The following THRA variants were observed in gnomAD, a reference collection of about 807,000 sequenced individuals.
THRA encodes the protein EAR-7.
Under a neutral mutation model 45.0 loss-of-function variants are expected in THRA, and 13 were observed. The observed-to-expected ratio is 0.29, with a 90% CI of 0.19 to 0.46. THRA has a LOEUF of 0.46. THRA is among the 20% of genes least tolerant of loss of function. THRA has a pLI of 1.00. For synonymous variants in THRA, 195 were observed against 214.0 expected (o/e 0.91, Z 0.78); for missense variants, 278 against 556.1 (o/e 0.50, Z 5.03).
In THRA at chr17:40,089,806, G is replaced by C. The variant is rs994954924; in HGVS notation, c.*350G>C. 2.6e-6 allele frequency: 3 copies of C among 1,137,102 alleles called. No homozygotes were observed. The highest frequency in any genetic ancestry group is 3.3e-6 in the Non-Finnish European group (3 of 920,076). The allele number at this position is 1,137,102 out of a possible 1,614,324, so 70.4% of individuals were successfully genotyped here. On this transcript the variant is annotated 3_prime_UTR_variant, in exon 9 of 9. Transcript: ENST00000450525. This position sits in a 1 kb window ranked among gnomAD's most constrained non-coding sequence, Gnocchi z 6.1. The stretch of plus-strand genomic sequence containing the variant: ...TAGGGGAAGGAGGAATGTGGGCTGG[G>C]GGAAGATGCCCTCAACTCACCCCCT...
intron 2 of THRA, among the ~76,000 whole-genome samples, chr17:40,076,607 T>C (rs1986962128): frequency 6.6e-6 from 1 of 152,186 alleles, no homozygotes. Context: ...TTATGGGTGC[T>C]TCAGGTCTTC....
Position 40,083,998 on chromosome 17 carries a change from G to A in THRA, c.370+16G>A. ...GCCATGGACTGTAAGGGGCCCAGGTGGAGGGAATAGAGCCAGGTGGCCTGG... is the reference window on the plus strand; with the variant it reads ...GCCATGGACTGTAAGGGGCCCAGGTAGAGGGAATAGAGCCAGGTGGCCTGG... On this transcript the variant is annotated intron_variant, in intron 5 of 8. Coordinates refer to ENST00000450525, the MANE Select transcript of THRA (RefSeq NM_199334.5). 2 of 1,602,800 alleles carry A rather than the reference G, an allele frequency of 1.2e-6. No individual in the cohort carries two copies. The highest frequency in any genetic ancestry group is 1.7e-6 in the Non-Finnish European group (2 of 1,174,000).
chr17:40,086,277 C>T (rs1318117039), intron 6 of THRA, among the ~76,000 whole-genome samples: 21 of 152,192 alleles, frequency 1.4e-4, no homozygotes, highest in Admixed American at 1.4e-3. Flanking sequence ...AGTCACGAGT[C>T]AGACTGCCCA....
chr17:40,089,099 C>G lies in THRA; in HGVS notation c.983-107C>G. On this transcript the variant is annotated intron_variant, in intron 8 of 8. Transcript: ENST00000450525. This position sits in a 1 kb window ranked among gnomAD's most constrained non-coding sequence, Gnocchi z 6.1. ...CCCCTCCCCTCCCCCAGCCTCTCTG[C>G]CTCTATCTCCCCTCTAGTCCTTTCT... 9.1e-7 allele frequency: 1 copy of G among 1,093,118 alleles called. No individual in the cohort carries two copies. Among genetic ancestry groups the G allele is most frequent in the Non-Finnish European group, 1.3e-6 (1 of 755,814 alleles). The allele number at this position is 1,093,118 out of a possible 1,614,324, so 67.7% of individuals were successfully genotyped here. A position where few individuals can be genotyped will look rare whatever the true frequency, so the allele number is the denominator to read the frequency against.
In THRA at chr17:40,086,692, C is replaced by T. The variant is rs755706473; in HGVS notation, c.577-15C>T. The T allele has an allele frequency of 1.2e-5, 19 of 1,609,726 alleles. No homozygotes were observed. The highest frequency in any genetic ancestry group is 6.7e-5 in the Admixed American group (4 of 59,906). ...GGGGTCTGCGGCCCCAGCTGACCCCCGTCTTTCTCTCTAGCCCGATGACAT... is the reference window on the plus strand; with the variant it reads ...GGGGTCTGCGGCCCCAGCTGACCCCTGTCTTTCTCTCTAGCCCGATGACAT... On this transcript the variant is annotated splice_polypyrimidine_tract_variant and intron_variant, in intron 6 of 8. Transcript: ENST00000450525.
chr17:40,072,596 GAC>G (rs1986815424), intron 1 of THRA, among the ~76,000 whole-genome samples: 2 of 152,080 alleles, frequency 1.3e-5, no homozygotes, highest in South Asian at 4.1e-4. Context: ...TTCAGACACA[GAC>G]AGACAGACAG....
chr17:40,075,498 A>G (rs753820862), intron 2 of THRA, among the ~76,000 whole-genome samples: 2 of 152,232 alleles, frequency 1.3e-5, no homozygotes, highest in Admixed American at 6.5e-5. Context: ...GCCTCACCCC[A>G]GGAAGGACTC....
At chr17:40,093,272 G>A (rs1987656705), downstream of THRA, 2 of 1,613,680 alleles carry the variant, frequency 1.2e-6, no homozygotes, top group African/African-American at 2.7e-5. This position sits in a 1 kb window ranked among gnomAD's most constrained non-coding sequence, Gnocchi z 5.9. Flanking sequence ...AATTCTCCAT[G>A]CCCGAGCGGT....
At chr17:40,066,210 G>T (rs1689785766) in intron 1 of THRA, among the ~76,000 whole-genome samples, 1 of 152,184 alleles carries the variant, frequency 6.6e-6, no homozygotes, top group Non-Finnish European at 1.5e-5. Flanking sequence ...GGGAACTCAG[G>T]CAGGAGACAT....
intron 3 of THRA, 146 bp downstream of exon 3, chr17:40,077,084 G>T (rs766208212): frequency 1.2e-6 from 1 of 826,952 alleles, no homozygotes; most frequent in Non-Finnish European, 1.9e-6. Context: ...TTGTCTGGGG[G>T]TGAGAAAGGT....
chr17:40,065,228 G>A (rs760974397), intron 1 of THRA, among the ~76,000 whole-genome samples: 14 of 152,016 alleles, frequency 9.2e-5, no homozygotes, highest in Admixed American at 2.0e-4. Context: ...TAAAAGCTCA[G>A]GGGTGTCTAA....
At chr17:40,081,905 G>A (rs1466996751) in intron 4 of THRA, among the ~76,000 whole-genome samples, 1 of 151,844 alleles carries the variant, frequency 6.6e-6, no homozygotes, top group African/African-American at 2.4e-5. Flanking sequence ...GGAGGTTGCA[G>A]TAAGCTGAGA....
intron 8 of THRA, 44 bp downstream of exon 8, chr17:40,088,544 C>T: frequency 6.4e-7 from 1 of 1,572,210 alleles, no homozygotes; most frequent in African/African-American, 1.3e-5. Context: ...TTCCAGGGGT[C>T]CCAGAGATTG....
intron 3 of THRA, 92 bp downstream of exon 3, chr17:40,077,030 C>A: frequency 1.5e-6 from 2 of 1,320,444 alleles, no homozygotes; most frequent in Non-Finnish European, 2.1e-6. Flanking sequence ...AACAGTAATT[C>A]ATGTGTTCCC....
intron 7 of THRA, chr17:40,087,123 GCACA>G (rs1399044195): frequency 2.5e-6 from 1 of 404,592 alleles, no homozygotes; most frequent in Non-Finnish European, 4.5e-6. Flanking sequence ...CATACACCCA[GCACA>G]CAGACACACA....
Position 40,092,044 on chromosome 17 carries a change from G to C in THRA, c.*2588G>C, listed in dbSNP as rs1987579248. On this transcript the variant is annotated 3_prime_UTR_variant, in exon 9 of 9. Coordinates refer to ENST00000450525, the MANE Select transcript of THRA (RefSeq NM_199334.5). ...TGGGAGGACGGGTTGCTGGGAATAG[G>C]ACGAGGGGGCCAGGCCAGGACAAGG... 1 of 152,688 alleles carries C rather than the reference G, an allele frequency of 6.5e-6. No individual in the cohort carries two copies. Among genetic ancestry groups the C allele is most frequent in the Non-Finnish European group, 1.5e-5 (1 of 68,530 alleles). The allele number at this position is 152,688 out of a possible 1,614,324, so 9.5% of individuals were successfully genotyped here. A position where few individuals can be genotyped will look rare whatever the true frequency, so the allele number is the denominator to read the frequency against.
At chr17:40,065,846 C>T (rs1986540461) in intron 1 of THRA, among the ~76,000 whole-genome samples, 1 of 152,180 alleles carries the variant, frequency 6.6e-6, no homozygotes, top group Non-Finnish European at 1.5e-5. Flanking sequence ...TCTGTGGGCA[C>T]CCTCAGGGTG....
chr17:40,083,950 A>G lies in THRA; in HGVS notation c.338A>G (p.Lys113Arg), dbSNP rs1308889335. ...AATCAGTGCCAGCTGTGCCGCTTCA[A>G]GAAGTGCATCGCCGTGGGCATGGCC... The part of the protein sequence containing the change: ...TRNQCQLCRF[K>R]KCIAVGMAMD... Residue 113 changes from lysine (K) to arginine (R), a missense_variant, in exon 5 of 9, where the codon AAG becomes AGG. Lys to Arg is a conservative substitution (Grantham distance 26). Around this residue, in one of 6 missense-constraint regions of THRA, gnomAD observed 111 missense variants for 167.1 expected, o/e 0.66. Transcript: ENST00000450525. The G allele has an allele frequency of 6.2e-7, 1 of 1,613,824 alleles. No individual in the cohort carries two copies. Among genetic ancestry groups the G allele is most frequent in the Admixed American group, 1.7e-5 (1 of 59,988 alleles).
At chr17:40,071,477 G>A (rs1470948579) in intron 1 of THRA, among the ~76,000 whole-genome samples, 1 of 152,210 alleles carries the variant, frequency 6.6e-6, no homozygotes, top group Non-Finnish European at 1.5e-5. Context: ...CCCCTCCACG[G>A]GCACTTTGCC....
Sources: allele counts gnomAD v4.1 joint callset (sites outside exome capture counted in the v4.1 genomes callset), GRCh38; gene constraint gnomAD v4.1.1; regional missense constraint gnomAD v4.1.1; non-coding constraint Gnocchi (gnomAD v3.1); transcripts MANE v1.5; gene names NCBI Gene and HGNC (gene_info 2026-07-23, HGNC 2026-07-21).